PCDH15: variants seen among roughly 807,000 people sequenced by gnomAD.
The protein encoded by PCDH15 is protocadherin-15.
PCDH15 carries 129 observed loss-of-function variants against 178.5 expected under a neutral mutation model. That is an observed-to-expected ratio of 0.72 (90% CI 0.63 to 0.84). PCDH15 has a LOEUF of 0.84. Ranked by LOEUF, PCDH15 falls within the 40% of genes least tolerant of loss-of-function variation. The pLI, the probability that PCDH15 is intolerant of heterozygous loss-of-function variation, is 0.00. For synonymous variants in PCDH15, 800 were observed against 732.0 expected (o/e 1.09, Z -1.50); for missense variants, 2,230 against 2,099.9 (o/e 1.06, Z -1.21).
At chr10:55,549,440 G>A (rs943195589) in intron 2 of PCDH15, among the ~76,000 whole-genome samples, 4 of 152,024 alleles carry the variant, frequency 2.6e-5, no homozygotes, top group Non-Finnish European at 5.9e-5. Context: ...GAACATCACA[G>A]TATATTTTCT....
intron 1 of PCDH15, among the ~76,000 whole-genome samples, chr10:55,222,741 A>AC (rs1196126614): frequency 2.1e-4 from 15 of 72,166 alleles, no homozygotes; most frequent in Admixed American, 1.8e-3. Context: ...ATATATATAT[A>AC]TATATATATA....
chr10:55,093,016 C>T (rs932883438), intron 2 of PCDH15, among the ~76,000 whole-genome samples: 1 of 151,870 alleles, frequency 6.6e-6, no homozygotes, highest in African/African-American at 2.4e-5. Flanking sequence ...TTAAATCTTA[C>T]AGATATATAG....
chr10:55,260,413 C>A (rs1263265260), intron 1 of PCDH15, among the ~76,000 whole-genome samples: 2 of 152,052 alleles, frequency 1.3e-5, no homozygotes, highest in Non-Finnish European at 2.9e-5. Flanking sequence ...TTACCTATTA[C>A]ACATAGAAGT....
chr10:55,307,394 T>G (rs578042904), intron 1 of PCDH15, among the ~76,000 whole-genome samples: 450 of 151,578 alleles, frequency 3.0e-3, no homozygotes, highest in Middle Eastern at 6.8e-3. Context: ...TCCCAGCTAC[T>G]CGGGAGGCTG....
At chr10:54,934,650 C>T (rs1364120085) in intron 2 of PCDH15, among the ~76,000 whole-genome samples, 3 of 151,082 alleles carry the variant, frequency 2.0e-5, no homozygotes, top group South Asian at 2.1e-4. Context: ...ACTAGTTCAA[C>T]CATTGTGGAA....
chr10:55,104,617 T>C (rs1457462196), intron 2 of PCDH15, among the ~76,000 whole-genome samples: 1 of 152,208 alleles, frequency 6.6e-6, no homozygotes, highest in Non-Finnish European at 1.5e-5. Context: ...TGATGACTTC[T>C]TTACTTTTTA....
rs75010154 is a variant in PCDH15, at chr10:53,896,447, CGTGA to C, written c.3501+6792_3501+6795del. Among the ~76,000 whole-genome samples, 1,069 of 152,222 alleles carry C rather than the reference CGTGA, an allele frequency of 7.0e-3. 48 individuals carry two copies. The East Asian group carries it at 0.12, about 17-fold the overall frequency. On this transcript the variant is annotated intron_variant, in intron 26 of 37. Coordinates refer to ENST00000644397, the MANE Select transcript of PCDH15 (RefSeq NM_001384140.1). ...GAGATATATATTTTTTAATAGATGT[CGTGA>C]GTATTTGCTTTTAACATATTGCTTC... is the stretch of plus-strand genomic sequence containing the variant.
intron 8 of PCDH15, among the ~76,000 whole-genome samples, chr10:54,266,116 T>C (rs1206424155): frequency 6.7e-6 from 1 of 150,264 alleles, no homozygotes; most frequent in African/African-American, 2.5e-5. Context: ...TAAAAATCAA[T>C]AGCAAGAGGA....
chr10:54,422,558 A>C (rs1182462145), intron 3 of PCDH15, among the ~76,000 whole-genome samples: 2 of 152,156 alleles, frequency 1.3e-5, no homozygotes, highest in Admixed American at 6.6e-5. Flanking sequence ...TATTTAATGC[A>C]GAGGGGGCCA....
intron 3 of PCDH15, among the ~76,000 whole-genome samples, chr10:54,845,881 T>C (rs918045156): frequency 6.6e-6 from 1 of 152,106 alleles, no homozygotes; most frequent in East Asian, 1.9e-4. Context: ...TACTAGATTG[T>C]CACCACATCC....
chr10:54,192,178 A>AAAAG (rs2049103605), intron 11 of PCDH15, among the ~76,000 whole-genome samples: 1 of 139,972 alleles, frequency 7.1e-6, no homozygotes, highest in African/African-American at 3.0e-5. Context: ...AAGAAAAAGA[A>AAAAG]AGAGAAAGAA....
At chr10:53,943,601 G>T (rs1043749131) in intron 23 of PCDH15, among the ~76,000 whole-genome samples, 1 of 152,006 alleles carries the variant, frequency 6.6e-6, no homozygotes, top group Admixed American at 6.6e-5. Flanking sequence ...AATTAGGATA[G>T]AAATAATACT....
chr10:54,341,521 T>C (rs1046519804), intron 6 of PCDH15, among the ~76,000 whole-genome samples: 2 of 152,210 alleles, frequency 1.3e-5, no homozygotes, highest in African/African-American at 4.8e-5. Context: ...AGGTAGTATC[T>C]TTATAGCAGT....
At chr10:54,815,910 C>A (rs149767915) in intron 3 of PCDH15, among the ~76,000 whole-genome samples, 1 of 152,016 alleles carries the variant, frequency 6.6e-6, no homozygotes, top group Non-Finnish European at 1.5e-5. Flanking sequence ...TGGAAAAATA[C>A]ACTCTATAAT....
chr10:55,291,818 A>G (rs1451284926), intron 1 of PCDH15, among the ~76,000 whole-genome samples: 1 of 152,188 alleles, frequency 6.6e-6, no homozygotes, highest in Admixed American at 6.5e-5. Flanking sequence ...ATCATGGCAG[A>G]AGGCAAGGAA....
intron 15 of PCDH15, among the ~76,000 whole-genome samples, chr10:54,118,005 G>T (rs1327801319): frequency 6.6e-6 from 1 of 152,172 alleles, no homozygotes; most frequent in Non-Finnish European, 1.5e-5. Context: ...TTACTATAAA[G>T]CTACCAATGT....
At chr10:54,983,055 G>T (rs2131906796) in intron 2 of PCDH15, among the ~76,000 whole-genome samples, 1 of 152,146 alleles carries the variant, frequency 6.6e-6, no homozygotes, top group African/African-American at 2.4e-5. Flanking sequence ...ATCAAGGAAT[G>T]ATTTAAGCTT....
rs558020815 is a variant in PCDH15 at position 55,497,217 on chromosome 10, C to A, written c.-156+130408G>T. ...CAATCATCACTGGCTGTAGCCCAGA[C>A]CTCCAGGTCTCAAGAGATTCTCCCA... On this transcript the variant is annotated intron_variant, in intron 2 of 5. Transcript: ENST00000613346. Among the ~76,000 whole-genome samples, 10 of 151,948 alleles carry A rather than the reference C, an allele frequency of 6.6e-5. No homozygotes were observed. In the South Asian group the frequency reaches 1.2e-3, roughly 19 times the overall value.
At chr10:55,498,285 G>A (rs1339427495) in intron 2 of PCDH15, among the ~76,000 whole-genome samples, 1 of 151,798 alleles carries the variant, frequency 6.6e-6, no homozygotes, top group Non-Finnish European at 1.5e-5. Context: ...CATGATACTT[G>A]AACCTAGATA....
Sources: allele counts gnomAD v4.1 joint callset (sites outside exome capture counted in the v4.1 genomes callset), GRCh38; gene constraint gnomAD v4.1.1; transcripts MANE v1.5; gene names NCBI Gene and HGNC (gene_info 2026-07-23, HGNC 2026-07-21).